The following CPQ variants were observed in gnomAD, a reference collection of about 807,000 sequenced individuals.
CPQ encodes the protein carboxypeptidase Q.
CPQ carries 37 observed loss-of-function variants against 45.7 expected under a neutral mutation model. The ratio of observed to expected loss-of-function variants is 0.81; its 90% CI spans 0.62 to 1.07. CPQ has a LOEUF of 1.07. Ranked by LOEUF, CPQ falls within the 50% of genes least tolerant of loss-of-function variation. The pLI, the probability that CPQ is intolerant of heterozygous loss-of-function variation, is 0.00. For missense variants in CPQ, 537 were observed against 572.9 expected, an observed-to-expected ratio of 0.94 and a Z score of 0.64; for synonymous variants, 186 against 205.8, an observed-to-expected ratio of 0.90 and a Z score of 0.82.
chr8:96,729,629 G>GT (rs1375134484), intron 1 of CPQ, among the ~76,000 whole-genome samples: 4 of 151,912 alleles, frequency 2.6e-5, no homozygotes, highest in African/African-American at 7.3e-5. Context: ...ATTATTTTGT[G>GT]TTTTTTTGCT....
chr8:96,968,770 C>T (rs1439765850), intron 5 of CPQ, among the ~76,000 whole-genome samples: 1 of 152,148 alleles, frequency 6.6e-6, no homozygotes, highest in African/African-American at 2.4e-5. Flanking sequence ...TTGTCTTCCC[C>T]TCTCACCACT....
intron 1 of CPQ, among the ~76,000 whole-genome samples, chr8:96,770,270 G>A (rs770501923): frequency 3.4e-4 from 52 of 152,202 alleles, no homozygotes; most frequent in Non-Finnish European, 6.2e-4. Context: ...GAGCTCCTGG[G>A]ATTCCCTCTA....
intron 3 of CPQ, among the ~76,000 whole-genome samples, chr8:96,874,393 T>G (rs1334722761): frequency 6.6e-6 from 1 of 151,778 alleles, no homozygotes; most frequent in African/African-American, 2.4e-5. Context: ...CACAGAGTTG[T>G]GCAACCACCA....
chr8:96,976,487 G>T (rs1008432069), intron 5 of CPQ, among the ~76,000 whole-genome samples: 2 of 151,600 alleles, frequency 1.3e-5, no homozygotes, highest in Non-Finnish European at 3.0e-5. Context: ...TCTTCAAGAA[G>T]TAGAAAAAAC....
intron 1 of CPQ, among the ~76,000 whole-genome samples, chr8:96,702,557 C>G (rs1387222081): frequency 6.6e-6 from 1 of 152,130 alleles, no homozygotes; most frequent in Non-Finnish European, 1.5e-5. Context: ...TACTACCTAC[C>G]AGGTGCTGCA....
chr8:96,838,681 C>G, intron 3 of CPQ, among the ~76,000 whole-genome samples: 1 of 151,992 alleles, frequency 6.6e-6, no homozygotes, highest in East Asian at 1.9e-4. Flanking sequence ...CCTCTGGATT[C>G]CTATCATCTA....
rs180862926 is a variant in CPQ at position 96,937,456 on chromosome 8, A to G, written c.850-28479A>G. Among the ~76,000 whole-genome samples, 146 of 152,248 alleles carry G rather than the reference A, an allele frequency of 9.6e-4. 1 individual carries two copies. The highest frequency in any genetic ancestry group is 3.0e-3 in the African/African-American group (125 of 41,552). ...TCCAGTAGTCATAGCATGGTAGCCA[A>G]AGGATTTTGCCTTGAGTTCATAATC... On this transcript the variant is annotated intron_variant, in intron 4 of 7. Coordinates refer to ENST00000220763, the MANE Select transcript of CPQ (RefSeq NM_016134.4).
chr8:96,970,473 C>G (rs995819088), intron 5 of CPQ, among the ~76,000 whole-genome samples: 2 of 152,082 alleles, frequency 1.3e-5, no homozygotes, highest in East Asian at 3.9e-4. Flanking sequence ...AAGAGGAAAC[C>G]AAAGCAGAGA....
chr8:96,689,670 C>G (rs76951319), intron 1 of CPQ, among the ~76,000 whole-genome samples: 1 of 151,654 alleles, frequency 6.6e-6, no homozygotes, highest in Admixed American at 6.5e-5. Flanking sequence ...GGACTTTTCT[C>G]TAGATGGGAA....
intron 4 of CPQ, among the ~76,000 whole-genome samples, chr8:96,881,562 T>C (rs527265191): frequency 2.6e-5 from 4 of 152,320 alleles, no homozygotes; most frequent in East Asian, 1.9e-4. Context: ...ATCTAAATCA[T>C]ATGAAGTTTC....
intron 1 of CPQ, among the ~76,000 whole-genome samples, chr8:96,752,276 C>G (rs548233037): frequency 2.6e-5 from 4 of 152,110 alleles, no homozygotes; most frequent in Admixed American, 6.6e-5. Flanking sequence ...GAATGTTTCT[C>G]CATTTGTTTG....
At chr8:97,126,427 C>T (rs1294078365) in intron 7 of CPQ, among the ~76,000 whole-genome samples, 1 of 152,156 alleles carries the variant, frequency 6.6e-6, no homozygotes, top group Non-Finnish European at 1.5e-5. Context: ...TGAGAACCCT[C>T]TCTTCGTGAC....
chr8:96,834,895 G>A (rs899736814), intron 2 of CPQ, 78 bp from the exon 3 acceptor site: 10 of 1,231,934 alleles, frequency 8.1e-6, no homozygotes, highest in Non-Finnish European at 1.2e-5. Context: ...GAAAGAGCAT[G>A]TATGTGACCT....
intron 6 of CPQ, among the ~76,000 whole-genome samples, chr8:97,042,709 G>C (rs925854392): frequency 5.9e-5 from 9 of 151,586 alleles, no homozygotes; most frequent in East Asian, 1.9e-4. Flanking sequence ...TGGTTTCAAA[G>C]AACATCTTTA....
chr8:96,939,815 G>C (rs2130321622), intron 4 of CPQ, among the ~76,000 whole-genome samples: 1 of 152,262 alleles, frequency 6.6e-6, no homozygotes, highest in Admixed American at 6.5e-5. Context: ...TACAAGAGTT[G>C]CTCTAGGGTA....
chr8:96,679,602 A>G lies in CPQ; in HGVS notation c.-35+34200A>G, dbSNP rs1586355802. 5.3e-5 allele frequency among the ~76,000 whole-genome samples: 8 copies of G among 152,082 alleles called. 2 individuals are homozygous for G. The highest frequency in any genetic ancestry group is 1.9e-4 in the African/African-American group (8 of 41,546). Reference sequence around the variant, plus strand: ...TTATTAATGATTATTACTAATTTTTATTCTGCTCAGGCTTTCTGTTTCTTC... The same window carrying G: ...TTATTAATGATTATTACTAATTTTTGTTCTGCTCAGGCTTTCTGTTTCTTC... On this transcript the variant is annotated intron_variant, in intron 1 of 7. Transcript: ENST00000220763.
At chr8:96,690,407 C>G (rs565721411) in intron 1 of CPQ, among the ~76,000 whole-genome samples, 55 of 152,238 alleles carry the variant, frequency 3.6e-4, no homozygotes, top group African/African-American at 1.3e-3. Flanking sequence ...AGCTTTTACT[C>G]TCTTCCCCAT....
At chr8:96,978,161 C>A (rs1409704918) in intron 5 of CPQ, among the ~76,000 whole-genome samples, 1 of 152,022 alleles carries the variant, frequency 6.6e-6, no homozygotes, top group African/African-American at 2.4e-5. Context: ...TCTGTAAGAC[C>A]CATGGCAGAT....
At chr8:96,830,871 C>T (rs551708105) in intron 2 of CPQ, among the ~76,000 whole-genome samples, 13 of 152,122 alleles carry the variant, frequency 8.5e-5, no homozygotes, top group Non-Finnish European at 1.9e-4. Context: ...CCAAGCTTTT[C>T]TTTTGATATT....
Sources: allele counts gnomAD v4.1 joint callset (sites outside exome capture counted in the v4.1 genomes callset), GRCh38; gene constraint gnomAD v4.1.1; transcripts MANE v1.5; gene names NCBI Gene and HGNC (gene_info 2026-07-23, HGNC 2026-07-21).